Variants in ZHX2 observed in about 807,000 individuals in gnomAD.
ZHX2 encodes zinc fingers and homeoboxes 2.
In ZHX2, 6 loss-of-function variants were observed where a neutral mutation model predicts 21.9. The ratio of observed to expected loss-of-function variants is 0.27; its 90% confidence interval spans 0.15 to 0.54. The LOEUF (loss-of-function observed/expected upper bound fraction) is 0.54, where lower values mean the gene tolerates loss of function less well. Ranked by LOEUF, ZHX2 falls within the 20% of genes least tolerant of loss-of-function variation. The probability of loss-of-function intolerance (pLI) is 0.95; values close to 1 mark genes in which losing one functional copy is unlikely to be tolerated. For missense variants in ZHX2, 908 were observed against 1,090.7 expected, an observed-to-expected ratio of 0.83 and a Z score of 2.36; for synonymous variants, 434 against 437.1, an observed-to-expected ratio of 0.99 and a Z score of 0.09.
chr8:122,788,944 G>T (rs1817456646), intron 1 of ZHX2, among the ~76,000 whole-genome samples: 1 of 152,178 alleles, frequency 6.6e-6, no homozygotes, highest in Non-Finnish European at 1.5e-5. Flanking sequence ...TCAAAAAGAG[G>T]CCATTGTAAA....
At chr8:122,946,875 GCA>G (rs964502297) in intron 2 of ZHX2, among the ~76,000 whole-genome samples, 15 of 151,182 alleles carry the variant, frequency 9.9e-5, no homozygotes, top group Admixed American at 8.6e-4. Context: ...GCACACGCAT[GCA>G]CACACACACA....
chr8:122,943,943 G>A (rs1182753159), intron 2 of ZHX2, among the ~76,000 whole-genome samples: 1 of 152,162 alleles, frequency 6.6e-6, no homozygotes, highest in Non-Finnish European at 1.5e-5. Flanking sequence ...AACCTAAGTT[G>A]TTCAGCCTCC....
intron 2 of ZHX2, among the ~76,000 whole-genome samples, chr8:122,918,241 G>A (rs565834537): frequency 3.3e-5 from 5 of 152,274 alleles, no homozygotes; most frequent in East Asian, 1.9e-4. Context: ...TGTCCCGACC[G>A]CCTTTGTCAT....
intron 1 of ZHX2, among the ~76,000 whole-genome samples, chr8:122,799,982 C>T (rs538953660): frequency 7.4e-4 from 113 of 152,234 alleles, no homozygotes; most frequent in African/African-American, 2.4e-3. Flanking sequence ...CTCAGCCTCC[C>T]GAGTAGCTGG....
At chr8:122,832,451 C>A (rs986676469) in intron 1 of ZHX2, among the ~76,000 whole-genome samples, 10 of 152,158 alleles carry the variant, frequency 6.6e-5, no homozygotes, top group Non-Finnish European at 8.8e-5. Flanking sequence ...GTCCCTTAGA[C>A]TGGGTTAGAA....
chr8:122,923,641 C>A (rs1820787373), intron 2 of ZHX2, among the ~76,000 whole-genome samples: 1 of 152,330 alleles, frequency 6.6e-6, no homozygotes, highest in African/African-American at 2.4e-5. Context: ...AGTCACCACA[C>A]CCACCTGCCT....
At chr8:122,873,209 C>T (rs1314757342) in intron 2 of ZHX2, among the ~76,000 whole-genome samples, 3 of 152,154 alleles carry the variant, frequency 2.0e-5, no homozygotes, top group Admixed American at 6.5e-5. Context: ...GTGACCGTGG[C>T]GGTAATTCTC....
intron 1 of ZHX2, among the ~76,000 whole-genome samples, chr8:122,821,866 G>A (rs1365068624): frequency 6.6e-6 from 1 of 152,002 alleles, no homozygotes; most frequent in Non-Finnish European, 1.5e-5. Flanking sequence ...CACCACGCCT[G>A]GCTAATTTTT....
intron 2 of ZHX2, among the ~76,000 whole-genome samples, chr8:122,880,198 T>C (rs1819678652): frequency 6.6e-6 from 1 of 151,928 alleles, no homozygotes; most frequent in Non-Finnish European, 1.5e-5. Flanking sequence ...GGTCTCAAAC[T>C]TGTGACCTCA....
rs545766356 is a variant in ZHX2, at chr8:122,806,805, G to A, written c.-283+24859G>A. 2.0e-5 allele frequency among the ~76,000 whole-genome samples: 3 copies of A among 152,342 alleles called. No homozygotes were observed. In the East Asian group the frequency reaches 5.8e-4, roughly 29 times the overall value. ...ATGGCCAGGCATTGTTCTAAGCATG[G>A]TAACCCACATCACCCTCATTTATGG... On this transcript the variant is annotated intron_variant, in intron 1 of 3. Coordinates refer to ENST00000314393, the MANE Select transcript of ZHX2 (RefSeq NM_014943.5).
At position 122,951,497 on chromosome 8, in the gene ZHX2, CACAG is replaced by C; in HGVS notation, c.-9_-6del. 1.2e-6 allele frequency: 2 copies of C among 1,603,336 alleles called. No homozygotes were observed. Among genetic ancestry groups the C allele is most frequent in the South Asian group, 1.1e-5 (1 of 89,490 alleles). On this transcript the variant is annotated 5_prime_UTR_variant, in exon 3 of 4. Coordinates refer to ENST00000314393, the MANE Select transcript of ZHX2 (RefSeq NM_014943.5). ...CCCCCTCCAAAAATAAGCCATTGCA[CACAG>C]ACAGGCAGCATGGCTAGCAAACGAA...
At chr8:122,889,757 C>T (rs756371700) in intron 2 of ZHX2, among the ~76,000 whole-genome samples, 18 of 152,112 alleles carry the variant, frequency 1.2e-4, no homozygotes, top group Non-Finnish European at 2.2e-4. Context: ...GATGCAAAAC[C>T]TGCATATTCC....
At chr8:122,864,840 C>T (rs191226325) in intron 2 of ZHX2, among the ~76,000 whole-genome samples, 159 of 152,286 alleles carry the variant, frequency 1.0e-3, no homozygotes, top group Non-Finnish European at 1.8e-3. Flanking sequence ...ACACCCATTG[C>T]GCTTGGGAGG....
intron 2 of ZHX2, among the ~76,000 whole-genome samples, chr8:122,930,687 A>C (rs1820966821): frequency 6.7e-6 from 1 of 148,234 alleles, no homozygotes; most frequent in Admixed American, 6.8e-5. Context: ...ATGGGGTTTC[A>C]CCATGTTGGC....
chr8:122,847,164 C>G (rs1422369365), intron 1 of ZHX2, among the ~76,000 whole-genome samples: 1 of 152,198 alleles, frequency 6.6e-6, no homozygotes, highest in East Asian at 1.9e-4. Flanking sequence ...TCCAAAGGGA[C>G]TTACATTTGC....
At chr8:122,872,589 G>T (rs748635710) in intron 2 of ZHX2, among the ~76,000 whole-genome samples, 2 of 152,078 alleles carry the variant, frequency 1.3e-5, no homozygotes, top group Non-Finnish European at 2.9e-5. Flanking sequence ...CTAACCCCCC[G>T]TTCCGTGATA....
chr8:122,952,800 A>C lies in ZHX2; in HGVS notation c.1290A>C (p.Pro430=), dbSNP rs779314764. 5 of 1,613,754 alleles carry C rather than the reference A, an allele frequency of 3.1e-6. No homozygotes were observed. In the African/African-American group the frequency reaches 6.7e-5, roughly 22 times the overall value. The part of the protein sequence containing the change: ...RPHIAQVPEP[P]PKVANPPLTP... Reference sequence around the variant, plus strand: ...ACATCGCTCAGGTGCCAGAGCCCCCACCCAAGGTGGCCAACCCCCCGCTCA... The same window carrying C: ...ACATCGCTCAGGTGCCAGAGCCCCCCCCCAAGGTGGCCAACCCCCCGCTCA... The change falls in exon 3 of 4, where the codon CCA becomes CCC. Residue 430 remains proline, a synonymous_variant. Coordinates refer to ENST00000314393, the MANE Select transcript of ZHX2 (RefSeq NM_014943.5). The surrounding 1 kb of genome is among the most constrained non-coding windows in gnomAD (Gnocchi z 6.9).
intron 3 of ZHX2, among the ~76,000 whole-genome samples, chr8:122,968,601 G>A (rs1813642444): frequency 6.6e-6 from 1 of 152,180 alleles, no homozygotes; most frequent in African/African-American, 2.4e-5. Flanking sequence ...CACTTTGGGA[G>A]GCCAAGGCGG....
In ZHX2 at chr8:122,812,369, T is replaced by G. The variant is rs140571764; in HGVS notation, c.-283+30423T>G. Among the ~76,000 whole-genome samples the G allele has an allele frequency of 3.3e-5, 5 of 152,348 alleles. No homozygotes were observed. The East Asian group carries it at 9.6e-4, about 29-fold the overall frequency. On this transcript the variant is annotated intron_variant, in intron 1 of 3. Transcript: ENST00000314393. ...ACTCTGTGATAGTTGTTGTTCTTAT[T>G]ATCCCTTTCTTTACGTGAATGCACT...
Sources: gnomAD v4.1 joint callset for allele counts (sites outside exome capture counted in the v4.1 genomes callset) on GRCh38, gnomAD v4.1.1 for gene constraint, Gnocchi (gnomAD v3.1) non-coding constraint, MANE v1.5 for transcripts, NCBI Gene and HGNC (gene_info 2026-07-23, HGNC 2026-07-21) for gene names.